The following DRC11 variants were observed in gnomAD, a reference collection of about 807,000 sequenced individuals.
The protein encoded by DRC11 is dynein regulatory complex subunit 11.
the DRC11 span, chr2:236,368,144 C>T: frequency 6.3e-5 from 67 of 1,070,872 alleles, no homozygotes; most frequent in South Asian, 8.1e-4. Context: ...AACCAGCAAG[C>T]GGTGCAAGCT....
chr2:236,314,867 GTTC>G, the DRC11 span, among the ~76,000 whole-genome samples: 12 of 152,280 alleles, frequency 7.9e-5, no homozygotes, highest in South Asian at 1.2e-3. This position sits in a 1 kb window ranked among gnomAD's most constrained non-coding sequence, Gnocchi z 4.5. Flanking sequence ...AAAGATGTCT[GTTC>G]TTCTCAAATT....
the DRC11 span, among the ~76,000 whole-genome samples, chr2:236,351,516 G>A: frequency 3.9e-5 from 6 of 152,186 alleles, no homozygotes; most frequent in East Asian, 9.6e-4. This position sits in a 1 kb window ranked among gnomAD's most constrained non-coding sequence, Gnocchi z 7.3. Flanking sequence ...AAAAGTGCAC[G>A]GCCATGCTAC....
At chr2:236,465,728 C>T in the DRC11 span, 1 of 1,523,880 alleles carries the variant, frequency 6.6e-7, no homozygotes, top group African/African-American at 1.4e-5. The surrounding 1 kb of genome is among the most constrained non-coding windows in gnomAD (Gnocchi z 6.2). Flanking sequence ...TATATACAAG[C>T]AACAAGGTTT....
At chr2:236,372,969 A>G in the DRC11 span, among the ~76,000 whole-genome samples, 2 of 151,892 alleles carry the variant, frequency 1.3e-5, no homozygotes, top group African/African-American at 2.4e-5. The surrounding 1 kb of genome is among the most constrained non-coding windows in gnomAD (Gnocchi z 4.5). Context: ...AGGGACTCGT[A>G]TTATCTGTAT....
At chr2:236,422,576 T>G in the DRC11 span, among the ~76,000 whole-genome samples, 1 of 152,110 alleles carries the variant, frequency 6.6e-6, no homozygotes, top group East Asian at 1.9e-4. Context: ...GGAAGAACAT[T>G]CCATGCTCAT....
At chr2:236,399,394 C>A in the DRC11 span, 3 of 1,603,524 alleles carry the variant, frequency 1.9e-6, no homozygotes, top group Non-Finnish European at 2.6e-6. This position sits in a 1 kb window ranked among gnomAD's most constrained non-coding sequence, Gnocchi z 7.0. Flanking sequence ...GGTGACCATG[C>A]ACGTTCTCCT....
chr2:236,479,234 T>C, the DRC11 span, among the ~76,000 whole-genome samples: 1 of 152,238 alleles, frequency 6.6e-6, no homozygotes, highest in Admixed American at 6.5e-5. This position sits in a 1 kb window ranked among gnomAD's most constrained non-coding sequence, Gnocchi z 4.1. Flanking sequence ...TGTGTCTTTA[T>C]AGGTGAAACT....
chr2:236,352,277 G>A, the DRC11 span, among the ~76,000 whole-genome samples: 1 of 152,156 alleles, frequency 6.6e-6, no homozygotes, highest in Admixed American at 6.5e-5. The surrounding 1 kb of genome is among the most constrained non-coding windows in gnomAD (Gnocchi z 7.0). Context: ...GCGGGGAGTG[G>A]AGGGAACAGA....
the DRC11 span, chr2:236,392,419 T>A: frequency 5.1e-6 from 4 of 786,842 alleles, no homozygotes; most frequent in Admixed American, 1.2e-4. This position sits in a 1 kb window ranked among gnomAD's most constrained non-coding sequence, Gnocchi z 5.1. Context: ...AATGAAATTT[T>A]AAAAAGACGT....
At chr2:236,319,284 G>T in the DRC11 span, among the ~76,000 whole-genome samples, 1 of 152,172 alleles carries the variant, frequency 6.6e-6, no homozygotes, top group African/African-American at 2.4e-5. This position sits in a 1 kb window ranked among gnomAD's most constrained non-coding sequence, Gnocchi z 6.7. Context: ...CCGTGTACAC[G>T]GCTCAGTTTA....
the DRC11 span, among the ~76,000 whole-genome samples, chr2:236,434,495 G>A: frequency 1.3e-5 from 2 of 152,124 alleles, no homozygotes; most frequent in Non-Finnish European, 2.9e-5. This position sits in a 1 kb window ranked among gnomAD's most constrained non-coding sequence, Gnocchi z 5.5. Context: ...TATTACCTCA[G>A]TGCAGGGAGG....
the DRC11 span, among the ~76,000 whole-genome samples, chr2:236,409,921 G>C: frequency 6.6e-6 from 1 of 152,176 alleles, no homozygotes; most frequent in South Asian, 2.1e-4. Flanking sequence ...TTATTGATTT[G>C]TGTATATTGA....
At chr2:236,486,527 C>T in the DRC11 span, among the ~76,000 whole-genome samples, 717 of 151,876 alleles carry the variant, frequency 4.7e-3, 1 homozygote, top group Admixed American at 0.013. The surrounding 1 kb of genome is among the most constrained non-coding windows in gnomAD (Gnocchi z 5.7). Context: ...CTGTTGTGAC[C>T]GCCCATCCTA....
chr2:236,435,310 G>T, the DRC11 span, among the ~76,000 whole-genome samples: 5 of 152,350 alleles, frequency 3.3e-5, no homozygotes, highest in East Asian at 7.7e-4. Context: ...AGCATCCATG[G>T]CAGGGGTCAG....
chr2:236,506,686 C>T, the DRC11 span, among the ~76,000 whole-genome samples: 1 of 152,222 alleles, frequency 6.6e-6, no homozygotes, highest in Non-Finnish European at 1.5e-5. This position sits in a 1 kb window ranked among gnomAD's most constrained non-coding sequence, Gnocchi z 4.9. Flanking sequence ...ACAGTGTCTA[C>T]AGGGTCAGCG....
the DRC11 span, among the ~76,000 whole-genome samples, chr2:236,425,434 G>A: frequency 6.6e-6 from 1 of 151,922 alleles, no homozygotes; most frequent in Non-Finnish European, 1.5e-5. Flanking sequence ...TTGACCATTT[G>A]TATGTCTTCT....
the DRC11 span, among the ~76,000 whole-genome samples, chr2:236,318,255 C>T: frequency 3.9e-4 from 59 of 152,222 alleles, no homozygotes; most frequent in Non-Finnish European, 6.9e-4. This position sits in a 1 kb window ranked among gnomAD's most constrained non-coding sequence, Gnocchi z 7.0. Flanking sequence ...TCGATGTAAA[C>T]AGTAAACACA....
At chr2:236,322,676 A>G in the DRC11 span, among the ~76,000 whole-genome samples, 104 of 152,342 alleles carry the variant, frequency 6.8e-4, no homozygotes, top group African/African-American at 2.5e-3. Flanking sequence ...TTAGTGTGCT[A>G]GGAAAAAGGG....
chr2:236,375,344 C>A, the DRC11 span, among the ~76,000 whole-genome samples: 1 of 152,198 alleles, frequency 6.6e-6, no homozygotes, highest in Non-Finnish European at 1.5e-5. This position sits in a 1 kb window ranked among gnomAD's most constrained non-coding sequence, Gnocchi z 4.2. Context: ...TAATGAGAAT[C>A]TACCACGTGC....
Sources: gnomAD v4.1 joint callset for allele counts (sites outside exome capture counted in the v4.1 genomes callset) on GRCh38, gnomAD v4.1.1 for gene constraint, Gnocchi (gnomAD v3.1) non-coding constraint, MANE v1.5 for transcripts, NCBI Gene and HGNC (gene_info 2026-07-23, HGNC 2026-07-21) for gene names.